Variants in CEP295 observed in about 807,000 individuals in gnomAD.
CEP295 encodes centrosomal protein of 295 kDa.
A neutral mutation model predicts 291.6 loss-of-function variants in CEP295; 190 were observed. The observed-to-expected ratio is 0.65, with a 90% CI of 0.58 to 0.73. The LOEUF is 0.73. CEP295 is among the 30% of genes least tolerant of loss of function. The pLI, the probability that CEP295 is intolerant of heterozygous loss-of-function variation, is 0.00. For missense variants in CEP295, 2,863 were observed against 2,949.4 expected (o/e 0.97, Z 0.68); for synonymous variants, 993 against 1,038.8 (o/e 0.96, Z 0.85).
intron 9 of CEP295, among the ~76,000 whole-genome samples, chr11:93,687,013 G>A (rs142129699): frequency 4.8e-4 from 73 of 152,246 alleles, no homozygotes; most frequent in African/African-American, 1.7e-3. Context: ...AGAACTGTTC[G>A]TATTATACTG....
intron 8 of CEP295, 80 bp from the exon 9 acceptor site, chr11:93,683,884 C>T: frequency 1.4e-6 from 2 of 1,471,358 alleles, no homozygotes; most frequent in Non-Finnish European, 9.1e-7. Flanking sequence ...TGAGACATTA[C>T]CGTGGCCTTT....
chr11:93,710,700 T>G (rs1267804695), intron 18 of CEP295, among the ~76,000 whole-genome samples: 1 of 152,194 alleles, frequency 6.6e-6, no homozygotes, highest in Non-Finnish European at 1.5e-5. Flanking sequence ...TTAGTTTGCC[T>G]TTAAGTGTTC....
chr11:93,686,195 T>C (rs1198592966), intron 9 of CEP295, among the ~76,000 whole-genome samples: 2 of 151,972 alleles, frequency 1.3e-5, no homozygotes, highest in Non-Finnish European at 2.9e-5. Flanking sequence ...GGCGCTCACC[T>C]GTAATCCCAG....
At chr11:93,682,802 T>C (rs1164299836) in intron 7 of CEP295, among the ~76,000 whole-genome samples, 1 of 152,224 alleles carries the variant, frequency 6.6e-6, no homozygotes, top group Non-Finnish European at 1.5e-5. Flanking sequence ...TAATGAACAG[T>C]GTGCTATTTT....
intron 13 of CEP295, among the ~76,000 whole-genome samples, chr11:93,695,869 G>A (rs889291826): frequency 6.6e-6 from 1 of 152,032 alleles, no homozygotes; most frequent in Admixed American, 6.6e-5. Context: ...AAATTAGCTG[G>A]GCATGGTGGC....
chr11:93,721,912 C>T (rs1953760942), intron 19 of CEP295, 42 bp from the exon 20 acceptor site: 1 of 1,395,332 alleles, frequency 7.2e-7, no homozygotes, highest in African/African-American at 1.4e-5. Flanking sequence ...TTCTTACATA[C>T]TACTTGCTAC....
intron 18 of CEP295, among the ~76,000 whole-genome samples, chr11:93,707,486 G>A (rs1042391712): frequency 6.6e-6 from 1 of 151,980 alleles, no homozygotes; most frequent in East Asian, 1.9e-4. Context: ...CATTTTGGCC[G>A]GGTGCAGTGG....
chr11:93,662,114 G>A (rs1950018726), intron 1 of CEP295, among the ~76,000 whole-genome samples: 1 of 152,200 alleles, frequency 6.6e-6, no homozygotes, highest in African/African-American at 2.4e-5. Flanking sequence ...CGCGGACATG[G>A]CCTGCCACCT....
chr11:93,706,292 A>G (rs138197221), intron 17 of CEP295, among the ~76,000 whole-genome samples: 2 of 152,324 alleles, frequency 1.3e-5, no homozygotes, highest in African/African-American at 4.8e-5. Context: ...AAAGAGGTGC[A>G]CAAATCATGT....
chr11:93,723,206 C>T lies in CEP295; in HGVS notation c.6113C>T (p.Thr2038Ile), dbSNP rs1953878896. 1.3e-6 allele frequency: 2 copies of T among 1,551,544 alleles called. No individual in the cohort carries two copies. Among genetic ancestry groups the T allele is most frequent in the Admixed American group, 2.0e-5 (1 of 50,986 alleles). Residue 2038 changes from threonine to isoleucine, a missense_variant, in exon 21 of 30, where the codon ACA becomes ATA. By Grantham distance (89) the Thr-to-Ile change is moderately conservative (BLOSUM62 -1). Transcript: ENST00000325212. ...CTGTTGCCTGCAGTGGATGAAACTA[C>T]ATGTGGTCACACACACTTTCAGCAA... ...KSLLPAVDET[T>I]CGHTHFQQMI...
intron 18 of CEP295, among the ~76,000 whole-genome samples, chr11:93,713,504 A>G (rs1953048548): frequency 6.6e-6 from 1 of 152,190 alleles, no homozygotes; most frequent in Admixed American, 6.5e-5. Context: ...CCTGGCCTGT[A>G]AGGTTTCCTG....
At chr11:93,689,811 AC>A (rs1240875798) in intron 10 of CEP295, among the ~76,000 whole-genome samples, 1 of 152,252 alleles carries the variant, frequency 6.6e-6, no homozygotes, top group Non-Finnish European at 1.5e-5. Context: ...ACTGCCTTGT[AC>A]AAAACAGGTG....
At chr11:93,690,309 C>T (rs879906329) in intron 10 of CEP295, among the ~76,000 whole-genome samples, 1 of 152,108 alleles carries the variant, frequency 6.6e-6, no homozygotes, top group African/African-American at 2.4e-5. Context: ...CTAATCCCAA[C>T]ACTTTGGGAG....
In CEP295 at chr11:93,687,548, C is replaced by T. The variant is rs1406581477; in HGVS notation, c.1115-96C>T. 4 of 637,168 alleles carry T rather than the reference C, an allele frequency of 6.3e-6. No homozygotes were observed. In the African/African-American group the frequency reaches 7.4e-5, roughly 12 times the overall value. 39.5% of individuals were successfully genotyped at this position (637,168 alleles called of 1,614,324 possible). On this transcript the variant is annotated intron_variant, in intron 9 of 29. Coordinates refer to ENST00000325212, the MANE Select transcript of CEP295 (RefSeq NM_033395.2). ...GAGGAAAATAAAACTGTGCTTTTAA[C>T]TAGTGGTTATAGCAGTAACCGAATA...
Position 93,683,543 on chromosome 11 carries a change from C to T in CEP295, c.766-16C>T. 1 of 1,484,442 alleles carries T rather than the reference C, an allele frequency of 6.7e-7. No homozygotes were observed. The highest frequency in any genetic ancestry group is 8.9e-7 in the Non-Finnish European group (1 of 1,121,718). 92.0% of individuals were successfully genotyped at this position (1,484,442 alleles called of 1,614,324 possible). Reference sequence around the variant, plus strand: ...GTTTGTGACTCAGTTTTTGTTAATTCTCTTTATTCTTGAAGAATCAGGAGA... The same window carrying T: ...GTTTGTGACTCAGTTTTTGTTAATTTTCTTTATTCTTGAAGAATCAGGAGA... On this transcript the variant is annotated splice_polypyrimidine_tract_variant and intron_variant, in intron 7 of 29. Transcript: ENST00000325212.
chr11:93,728,916 T>C, intron 25 of CEP295, 95 bp downstream of exon 25: 1 of 1,145,972 alleles, frequency 8.7e-7, no homozygotes, highest in East Asian at 2.6e-5. Flanking sequence ...TGGAGGGAAT[T>C]ATGCTATGCA....
At position 93,697,991 on chromosome 11, in the gene CEP295, A is replaced by G. The variant is rs774501844; in HGVS notation, c.3079A>G (p.Lys1027Glu). The change falls in exon 15 of 30, where the codon AAA (lysine) becomes GAA (glutamate). Residue 1027 changes from lysine to glutamate, a missense_variant. Physicochemically the swap from Lys to Glu is moderately conservative, Grantham distance 56. Coordinates refer to ENST00000325212, the MANE Select transcript of CEP295 (RefSeq NM_033395.2). ...GGAGCAACATTCATCTAAGAGCGAG[A>G]AAGGACTTGTTTCATGCCAATCTGA... The part of the protein sequence containing the change: ...IQEQHSSKSE[K>E]GLVSCQSDIP... 2 of 1,551,592 alleles carry G rather than the reference A, an allele frequency of 1.3e-6. No homozygotes were observed. Among genetic ancestry groups the G allele is most frequent in the Admixed American group, 2.0e-5 (1 of 50,982 alleles).
At chr11:93,675,396 T>G (rs1950638141) in intron 5 of CEP295, among the ~76,000 whole-genome samples, 175 bp from the exon 6 acceptor site, 1 of 152,128 alleles carries the variant, frequency 6.6e-6, no homozygotes, top group Non-Finnish European at 1.5e-5. Flanking sequence ...TCTGGTACTT[T>G]TATTAAAATT....
chr11:93,674,306 C>T (rs191734220), intron 5 of CEP295, among the ~76,000 whole-genome samples: 23 of 152,278 alleles, frequency 1.5e-4, no homozygotes, highest in Admixed American at 1.3e-3. Context: ...GAGTCCTCCT[C>T]ATCATTCCAC....
Sources: gnomAD v4.1 joint callset for allele counts (sites outside exome capture counted in the v4.1 genomes callset) on GRCh38, gnomAD v4.1.1 for gene constraint, MANE v1.5 for transcripts, NCBI Gene and HGNC (gene_info 2026-07-23, HGNC 2026-07-21) for gene names.